The following R3HDM1 variants were observed in gnomAD, a reference collection of about 807,000 sequenced individuals.
The protein encoded by R3HDM1 is R3H domain containing 1, also known as R3H domain-containing protein 1.
R3HDM1 carries 46 observed loss-of-function variants against 141.1 expected under a neutral mutation model. The observed-to-expected ratio is 0.33, with a 90% CI of 0.26 to 0.42. The LOEUF is 0.42. Among genes scored for constraint, R3HDM1 ranks in the 10% least tolerant of loss-of-function variants. The pLI is 1.00. For synonymous variants in R3HDM1, 435 were observed against 472.9 expected (o/e 0.92, Z 1.04); for missense variants, 1,184 against 1,368.3 (o/e 0.87, Z 2.12).
At chr2:135,625,023 G>A (rs2061866833) in intron 7 of R3HDM1, among the ~76,000 whole-genome samples, 1 of 152,142 alleles carries the variant, frequency 6.6e-6, no homozygotes, top group Admixed American at 6.5e-5. Context: ...TGGAGGTTGA[G>A]GCTGCACTGA....
chr2:135,582,583 G>A lies in R3HDM1; in HGVS notation c.-249-19917G>A, dbSNP rs75185100. Among the ~76,000 whole-genome samples, 62 of 152,262 alleles carry A rather than the reference G, an allele frequency of 4.1e-4. No homozygotes were observed. The East Asian group carries it at 0.012, about 28-fold the overall frequency. ...GAGATCAGCTTACTCAGTACAGGGT[G>A]CAGGGAATGGGGGAAGTCTGGAGGG... On this transcript the variant is annotated intron_variant, in intron 1 of 26. Coordinates refer to ENST00000683871, the MANE Select transcript of R3HDM1 (RefSeq NM_001378107.1).
intron 26 of R3HDM1, 100 bp from the exon 27 acceptor site, chr2:135,723,837 C>A: frequency 1.6e-6 from 1 of 626,642 alleles, no homozygotes; most frequent in Non-Finnish European, 2.7e-6. Context: ...TTTGTGTATT[C>A]GAATGGTCAT....
chr2:135,542,767 C>T (rs1030960680), intron 1 of R3HDM1, among the ~76,000 whole-genome samples: 2 of 152,244 alleles, frequency 1.3e-5, no homozygotes, highest in African/African-American at 4.8e-5. Flanking sequence ...GAGACGGCGT[C>T]TCACTCTGTA....
rs541568903 is a variant in R3HDM1 at position 135,576,893 on chromosome 2, C to G, written c.-249-25607C>G. On this transcript the variant is annotated intron_variant, in intron 1 of 26. Transcript: ENST00000683871. Reference sequence around the variant, plus strand: ...TGACTGATGAAAGGTACAGTAGTTTCTTGTTGGAATAATGAAAATGTTCTA... The same window carrying G: ...TGACTGATGAAAGGTACAGTAGTTTGTTGTTGGAATAATGAAAATGTTCTA... 5 of 193,828 alleles carry G rather than the reference C, an allele frequency of 2.6e-5. No homozygotes were observed. The East Asian group carries it at 7.5e-4, about 29-fold the overall frequency. 12.0% of individuals were successfully genotyped at this position (193,828 alleles called of 1,614,324 possible). A position where few individuals can be genotyped will look rare whatever the true frequency, so the allele number is the denominator to read the frequency against.
At chr2:135,666,970 GCA>G (rs2105322781) in intron 19 of R3HDM1, 1 of 367,570 alleles carries the variant, frequency 2.7e-6, no homozygotes, top group Non-Finnish European at 3.7e-6. Flanking sequence ...TATTGTACAA[GCA>G]CAGTCTGGAA....
intron 1 of R3HDM1, among the ~76,000 whole-genome samples, chr2:135,576,539 A>G (rs1276838780): frequency 6.6e-6 from 1 of 152,206 alleles, no homozygotes; most frequent in Admixed American, 6.5e-5. Flanking sequence ...ATGTATAAGA[A>G]TAAATACAAC....
chr2:135,609,859 G>A (rs577924691), intron 3 of R3HDM1, among the ~76,000 whole-genome samples: 16 of 152,058 alleles, frequency 1.1e-4, no homozygotes, highest in African/African-American at 3.6e-4. Context: ...TGGGCAACAT[G>A]GCGAAACCCT....
At chr2:135,620,598 G>A (rs2061433243) in intron 5 of R3HDM1, 10 of 981,472 alleles carry the variant, frequency 1.0e-5, no homozygotes, top group South Asian at 4.7e-5. Flanking sequence ...AAAAGTCTAC[G>A]TGTCTGATTG....
At chr2:135,715,396 A>G (rs185321635) in intron 23 of R3HDM1, among the ~76,000 whole-genome samples, 154 bp from the exon 24 acceptor site, 33 of 152,236 alleles carry the variant, frequency 2.2e-4, no homozygotes, top group Middle Eastern at 3.4e-3. Flanking sequence ...AAAAGAAACC[A>G]TCTGTTACCA....
At chr2:135,534,796 C>T (rs1695693250) in intron 1 of R3HDM1, among the ~76,000 whole-genome samples, 1 of 152,180 alleles carries the variant, frequency 6.6e-6, no homozygotes, top group South Asian at 2.1e-4. Flanking sequence ...AGAAGATGTG[C>T]ATTGCCATGC....
Position 135,593,462 on chromosome 2 carries a change from C to T in R3HDM1, c.-249-9038C>T, listed in dbSNP as rs939392513. ...CTGACTTTCTTGCATTGTCTCTTAC[C>T]TATATCTGCCAATATCTAAACCCCT... On this transcript the variant is annotated intron_variant, in intron 1 of 26. Coordinates refer to ENST00000683871, the MANE Select transcript of R3HDM1 (RefSeq NM_001378107.1). Among the ~76,000 whole-genome samples, 156 of 152,246 alleles carry T rather than the reference C, an allele frequency of 1.0e-3. 1 individual carries two copies. Among genetic ancestry groups the T allele is most frequent in the African/African-American group, 3.6e-3 (148 of 41,534 alleles).
chr2:135,596,209 GCTGGT>G (rs1207347152), intron 1 of R3HDM1, among the ~76,000 whole-genome samples: 1 of 152,028 alleles, frequency 6.6e-6, no homozygotes. Context: ...TGTTGGCCAG[GCTGGT>G]CTCAAACTCC....
intron 7 of R3HDM1, among the ~76,000 whole-genome samples, chr2:135,624,410 A>T (rs2061804903): frequency 6.6e-6 from 1 of 151,670 alleles, no homozygotes; most frequent in Non-Finnish European, 1.5e-5. Flanking sequence ...AAAAAAAAAA[A>T]AGGAAAGTGA....
At chr2:135,659,392 C>CT (rs1206078138) in intron 18 of R3HDM1, among the ~76,000 whole-genome samples, 8 of 152,020 alleles carry the variant, frequency 5.3e-5, no homozygotes, top group African/African-American at 1.9e-4. Flanking sequence ...GCCCCTGCCC[C>CT]TGGCCCTGAA....
intron 1 of R3HDM1, among the ~76,000 whole-genome samples, chr2:135,593,719 ATTATT>A (rs1309486794): frequency 3.4e-4 from 51 of 151,430 alleles, no homozygotes; most frequent in African/African-American, 1.1e-3. Flanking sequence ...TTTTTATTTT[ATTATT>A]TTATTTATTT....
intron 21 of R3HDM1, among the ~76,000 whole-genome samples, chr2:135,687,411 G>A (rs190086631): frequency 7.9e-5 from 12 of 152,210 alleles, no homozygotes; most frequent in African/African-American, 2.9e-4. Flanking sequence ...GGTAGCTCTC[G>A]TGTTTAAAAC....
intron 26 of R3HDM1, 61 bp from the exon 27 acceptor site, chr2:135,723,876 C>A: frequency 7.9e-7 from 1 of 1,263,870 alleles, no homozygotes; most frequent in East Asian, 3.2e-5. Flanking sequence ...GTCTGCAGTG[C>A]TTTTTTACCC....
chr2:135,722,373 C>A, intron 25 of R3HDM1, 96 bp from the exon 26 acceptor site: 1 of 1,333,364 alleles, frequency 7.5e-7, no homozygotes, highest in Non-Finnish European at 1.0e-6. Context: ...AGTGCAAAAC[C>A]CAAACTAAAG....
chr2:135,684,883 C>G (rs2071064379), intron 21 of R3HDM1, among the ~76,000 whole-genome samples: 1 of 152,180 alleles, frequency 6.6e-6, no homozygotes, highest in South Asian at 2.1e-4. Flanking sequence ...CCACTTCAGC[C>G]TCCTAAGTAG....
Sources: allele counts gnomAD v4.1 joint callset (sites outside exome capture counted in the v4.1 genomes callset), GRCh38; gene constraint gnomAD v4.1.1; transcripts MANE v1.5; gene names NCBI Gene and HGNC (gene_info 2026-07-23, HGNC 2026-07-21).